Variants in RGSL1 observed in about 807,000 individuals in gnomAD.
RGSL1 encodes the protein regulator of G protein signaling protein-like.
A neutral mutation model predicts 124.7 loss-of-function variants in RGSL1; 97 were observed. That is an observed-to-expected ratio of 0.78 (90% CI 0.66 to 0.92). RGSL1 has a LOEUF of 0.92. RGSL1 is among the 40% of genes least tolerant of loss of function. RGSL1 has a pLI of 0.00. For synonymous variants in RGSL1, 424 were observed against 438.1 expected (o/e 0.97, Z 0.40); for missense variants, 1,233 against 1,288.4 (o/e 0.96, Z 0.66).
At chr1:182,473,274 C>A (rs755844914) in intron 5 of RGSL1, among the ~76,000 whole-genome samples, 5 of 152,144 alleles carry the variant, frequency 3.3e-5, no homozygotes, top group African/African-American at 1.2e-4. Flanking sequence ...TGTTCTTAAT[C>A]GTTTTTCTTG....
chr1:182,467,280 A>G (rs1241461667), intron 4 of RGSL1, among the ~76,000 whole-genome samples: 1 of 152,210 alleles, frequency 6.6e-6, no homozygotes, highest in Non-Finnish European at 1.5e-5. Flanking sequence ...TAAAGTTCAT[A>G]TGGAACCAAA....
intron 9 of RGSL1, among the ~76,000 whole-genome samples, chr1:182,510,388 CATTGAGCACTGAG>C (rs1185178666): frequency 2.5e-5 from 1 of 39,502 alleles, no homozygotes; most frequent in Non-Finnish European, 5.8e-5. Flanking sequence ...GCCTGGGCAC[CATTGAGCACTGAG>C]TGAACGAGAC....
chr1:182,508,271 G>A (rs934644584), intron 9 of RGSL1, among the ~76,000 whole-genome samples: 1 of 145,070 alleles, frequency 6.9e-6, no homozygotes, highest in African/African-American at 2.6e-5. Context: ...TGGTGGTGAT[G>A]GTTGTTGGTG....
chr1:182,539,364 G>A (rs549988793), intron 14 of RGSL1, among the ~76,000 whole-genome samples: 26 of 152,208 alleles, frequency 1.7e-4, no homozygotes, highest in Admixed American at 4.6e-4. Context: ...GGTAACCCTA[G>A]GGTCAAGCAC....
intron 9 of RGSL1, among the ~76,000 whole-genome samples, chr1:182,497,342 T>TTATATCAGGAGA (rs1483235879): frequency 1.4e-5 from 2 of 147,950 alleles, no homozygotes; most frequent in Non-Finnish European, 3.0e-5. Flanking sequence ...ATATATATTT[T>TTATATCAGGAGA]TATATCTCCT....
At chr1:182,518,523 C>G (rs181215524) in intron 9 of RGSL1, among the ~76,000 whole-genome samples, 12 of 152,228 alleles carry the variant, frequency 7.9e-5, no homozygotes, top group Admixed American at 7.8e-4. Flanking sequence ...GGATGGTAGC[C>G]CCACTTACCC....
intron 5 of RGSL1, 79 bp from the exon 6 acceptor site, chr1:182,473,496 A>T: frequency 2.1e-6 from 3 of 1,428,166 alleles, no homozygotes; most frequent in Non-Finnish European, 2.8e-6. Flanking sequence ...ATTTGAAAAA[A>T]ATTAAAAACC....
Position 182,496,447 on chromosome 1 carries a change from A to G in RGSL1, c.1825+3318A>G, listed in dbSNP as rs574328449. On this transcript the variant is annotated intron_variant, in intron 9 of 21. Transcript: ENST00000294854. ...CATGGACAGGCTCTCTTACTTTACC[A>G]TAGCTCAATAGCACATTGAAGTATT... Among the ~76,000 whole-genome samples, 3 of 152,306 alleles carry G rather than the reference A, an allele frequency of 2.0e-5. No homozygotes were observed. The East Asian group carries it at 5.8e-4, about 29-fold the overall frequency.
At chr1:182,520,405 A>G (rs1041499137) in intron 9 of RGSL1, among the ~76,000 whole-genome samples, 1 of 152,160 alleles carries the variant, frequency 6.6e-6, no homozygotes, top group Non-Finnish European at 1.5e-5. Flanking sequence ...TTGTTTACAT[A>G]ATTGTCAAAT....
rs1314492071 is a variant in RGSL1 at position 182,548,750 on chromosome 1, G to C, written c.2859G>C (p.Glu953Asp). The change falls in exon 17 of 22, where the codon GAG (glutamate) becomes GAC (aspartate). Residue 953 changes from glutamate (E) to aspartate (D), a missense_variant. By Grantham distance (45) the Glu-to-Asp change is conservative (BLOSUM62 2). Coordinates refer to ENST00000294854, the MANE Select transcript of RGSL1 (RefSeq NM_001137669.2). ...QKDAILAAIT[E>D]GYLDRSVFHG... Reference sequence around the variant, plus strand: ...ATGCCATCCTTGCTGCCATCACAGAGGGCTACCTAGATCGGAGCGTCTTCC... The same window carrying C: ...ATGCCATCCTTGCTGCCATCACAGACGGCTACCTAGATCGGAGCGTCTTCC... 6.4e-7 allele frequency: 1 copy of C among 1,551,588 alleles called. No homozygotes were observed. The highest frequency in any genetic ancestry group is 2.4e-5 in the East Asian group (1 of 40,906).
chr1:182,466,214 T>C (rs1165223677), intron 4 of RGSL1, among the ~76,000 whole-genome samples: 1 of 152,108 alleles, frequency 6.6e-6, no homozygotes, highest in African/African-American at 2.4e-5. Context: ...AACATCATAC[T>C]CAATGACAAA....
chr1:182,485,490 A>G (rs1655032211), intron 6 of RGSL1, among the ~76,000 whole-genome samples: 1 of 152,198 alleles, frequency 6.6e-6, no homozygotes, highest in South Asian at 2.1e-4. Context: ...ATTGGGGATC[A>G]TAATGGCTGC....
chr1:182,465,076 TATA>T (rs564826222), intron 4 of RGSL1, among the ~76,000 whole-genome samples: 5 of 151,498 alleles, frequency 3.3e-5, no homozygotes, highest in African/African-American at 9.7e-5. Flanking sequence ...GACCCTATCT[TATA>T]ATAATAATAA....
In RGSL1 at chr1:182,502,217, G is replaced by A. The variant is rs776307361; in HGVS notation, c.1825+9088G>A. Among the ~76,000 whole-genome samples, 61 of 152,212 alleles carry A rather than the reference G, an allele frequency of 4.0e-4. 1 individual carries two copies. Among genetic ancestry groups the A allele is most frequent in the Middle Eastern group, 3.4e-3 (1 of 294 alleles). ...TGACGGTCTCTATTGCTCTCAGAAA[G>A]TAGATGCTTCTACTCCCTATTTTGT... On this transcript the variant is annotated intron_variant, in intron 9 of 21. Transcript: ENST00000294854.
At chr1:182,538,456 A>G (rs1224031741) in intron 14 of RGSL1, among the ~76,000 whole-genome samples, 1 of 152,144 alleles carries the variant, frequency 6.6e-6, no homozygotes, top group Non-Finnish European at 1.5e-5. Context: ...TGAACCCAGG[A>G]AGCGGAGCTT....
chr1:182,543,886 G>T (rs187651776), intron 15 of RGSL1, among the ~76,000 whole-genome samples: 5 of 151,802 alleles, frequency 3.3e-5, no homozygotes, highest in Non-Finnish European at 1.5e-5. Context: ...ATTTATTTGG[G>T]TCTTCTCTCT....
intron 9 of RGSL1, among the ~76,000 whole-genome samples, chr1:182,520,828 G>A (rs1163563627): frequency 2.0e-5 from 3 of 152,012 alleles, no homozygotes; most frequent in Non-Finnish European, 4.4e-5. Context: ...CTTTCTGAAA[G>A]TATTGCCAAA....
At chr1:182,452,011 T>TTGAGAG (rs374295208) in intron 1 of RGSL1, among the ~76,000 whole-genome samples, 5 of 148,898 alleles carry the variant, frequency 3.4e-5, no homozygotes, top group African/African-American at 7.4e-5. Context: ...GTAAGAGAGA[T>TTGAGAG]TGAGAGTGAG....
chr1:182,506,558 C>G (rs1300700964), intron 9 of RGSL1, among the ~76,000 whole-genome samples: 1 of 152,068 alleles, frequency 6.6e-6, no homozygotes, highest in Non-Finnish European at 1.5e-5. Flanking sequence ...CCTTTTATCC[C>G]ATCTTTTTAT....
Sources: allele counts gnomAD v4.1 joint callset (sites outside exome capture counted in the v4.1 genomes callset), GRCh38; gene constraint gnomAD v4.1.1; transcripts MANE v1.5; gene names NCBI Gene and HGNC (gene_info 2026-07-23, HGNC 2026-07-21).